The following ARHGEF17 variants were observed in gnomAD, a reference collection of about 807,000 sequenced individuals.
ARHGEF17 encodes the protein 164 kDa Rho-specific guanine-nucleotide exchange factor.
A neutral mutation model predicts 174.0 loss-of-function variants in ARHGEF17; 80 were observed. That is an observed-to-expected ratio of 0.46 (90% CI 0.38 to 0.55). The LOEUF (loss-of-function observed/expected upper bound fraction) is 0.55. ARHGEF17 is among the 20% of genes least tolerant of loss of function. The pLI, the probability that ARHGEF17 is intolerant of heterozygous loss-of-function variation, is 0.00. For missense variants in ARHGEF17, 2,886 were observed against 2,839.7 expected, an observed-to-expected ratio of 1.02 and a Z score of -0.37; for synonymous variants, 1,311 against 1,189.1, an observed-to-expected ratio of 1.10 and a Z score of -2.11.
intron 15 of ARHGEF17, 144 bp downstream of exon 15, chr11:73,363,599 G>C: frequency 6.7e-7 from 1 of 1,494,286 alleles, no homozygotes; most frequent in Non-Finnish European, 9.1e-7. Context: ...CAGTGGGTCT[G>C]ACAATCCCAG....
intron 1 of ARHGEF17, among the ~76,000 whole-genome samples, chr11:73,345,158 C>T (rs1865439252): frequency 6.6e-6 from 1 of 152,170 alleles, no homozygotes; most frequent in Admixed American, 6.5e-5. Flanking sequence ...CTCGCACTGC[C>T]TCCTTCTGGA....
At position 73,369,166 on chromosome 11, in the gene ARHGEF17, A is replaced by C. The variant is rs776528774; in HGVS notation, c.*1386A>C. On this transcript the variant is annotated 3_prime_UTR_variant, in exon 21 of 21. Coordinates refer to ENST00000263674, the MANE Select transcript of ARHGEF17 (RefSeq NM_014786.4). ...TGGCCACATGGGCCTTCCGACGTCC[A>C]CACACTTGGGAAGAAGGGAGGCCTT... 4 of 152,262 alleles carry C rather than the reference A, an allele frequency of 2.6e-5. No homozygotes were observed. Among genetic ancestry groups the C allele is most frequent in the Admixed American group, 2.0e-4 (3 of 15,278 alleles). 9.4% of individuals were successfully genotyped at this position (152,262 alleles called of 1,614,324 possible).
At chr11:73,333,434 A>T (rs928983951) in intron 1 of ARHGEF17, among the ~76,000 whole-genome samples, 7 of 152,250 alleles carry the variant, frequency 4.6e-5, no homozygotes, top group Non-Finnish European at 8.8e-5. Flanking sequence ...CCATTGGTGG[A>T]TAAATTCAGT....
chr11:73,333,161 CAAT>C (rs971510871), intron 1 of ARHGEF17, among the ~76,000 whole-genome samples: 88 of 152,292 alleles, frequency 5.8e-4, no homozygotes, highest in Middle Eastern at 3.4e-3. Flanking sequence ...CACTTATTGC[CAAT>C]AATAATGACA....
chr11:73,364,076 G>A (rs929820203), intron 16 of ARHGEF17, 96 bp from the exon 17 acceptor site: 26 of 1,331,816 alleles, frequency 2.0e-5, no homozygotes, highest in African/African-American at 1.5e-4. Flanking sequence ...GTGGCCTCTC[G>A]GGAGCCATAC....
chr11:73,322,347 T>C (rs930380567), intron 1 of ARHGEF17, among the ~76,000 whole-genome samples: 1 of 152,180 alleles, frequency 6.6e-6, no homozygotes, highest in African/African-American at 2.4e-5. Context: ...ATGCCAGAAC[T>C]GTCTACCTGG....
Position 73,363,555 on chromosome 11 carries a change from G to T in ARHGEF17, c.5246+100G>T. On this transcript the variant is annotated intron_variant, in intron 15 of 20. Coordinates refer to ENST00000263674, the MANE Select transcript of ARHGEF17 (RefSeq NM_014786.4). ...TGGAGCCAAGGCAGGAGGGCTTTGG[G>T]TCACACCTCAGGGGTACTGCTGACC... 13 of 1,528,954 alleles carry T rather than the reference G, an allele frequency of 8.5e-6. No homozygotes were observed. In the South Asian group the frequency reaches 1.5e-4, roughly 18 times the overall value. 94.7% of individuals were successfully genotyped at this position (1,528,954 alleles called of 1,614,324 possible).
chr11:73,356,647 T>A (rs542266355), intron 6 of ARHGEF17, 62 bp from the exon 7 acceptor site: 8 of 1,599,932 alleles, frequency 5.0e-6, no homozygotes, highest in Non-Finnish European at 6.8e-6. Flanking sequence ...TCACTGGGAT[T>A]TTTGGAGGGG....
chr11:73,327,555 C>G (rs1865122016), intron 1 of ARHGEF17, among the ~76,000 whole-genome samples: 2 of 152,208 alleles, frequency 1.3e-5, no homozygotes, highest in Non-Finnish European at 2.9e-5. Context: ...GCCTAAGCTC[C>G]CACTTCTTTG....
At position 73,309,189 on chromosome 11, in the gene ARHGEF17, C is replaced by T. The variant is rs1416891186; in HGVS notation, c.551C>T (p.Ser184Leu). Residue 184 changes from serine (S) to leucine (L), a missense_variant, in exon 1 of 21, where the codon TCG (serine) becomes TTG (leucine). Ser to Leu is a moderately radical substitution (Grantham distance 145). This residue lies in a region of ARHGEF17 where 1,728 missense variants were observed against 1,461.2 expected (regional missense o/e 1.18). Coordinates refer to ENST00000263674, the MANE Select transcript of ARHGEF17 (RefSeq NM_014786.4). Reference sequence around the variant, plus strand: ...TGCTTCCCCCTGGCGGGTCTGCGTTCGGCGCGGCCCCTGACCGGGCCGGAG... The same window carrying T: ...TGCTTCCCCCTGGCGGGTCTGCGTTTGGCGCGGCCCCTGACCGGGCCGGAG... Reference protein sequence around the residue: ...RTCFPLAGLRSARPLTGPETE... With the variant: ...RTCFPLAGLRLARPLTGPETE... The T allele has an allele frequency of 4.4e-6, 7 of 1,588,044 alleles. No homozygotes were observed. In the East Asian group the frequency reaches 9.3e-5, roughly 21 times the overall value.
intron 3 of ARHGEF17, among the ~76,000 whole-genome samples, chr11:73,355,245 T>G (rs538913697): frequency 1.3e-5 from 2 of 152,292 alleles, no homozygotes; most frequent in South Asian, 2.1e-4. Context: ...CAGTTGGAAG[T>G]GAGAGAACCA....
chr11:73,367,058 A>G (rs1162015518), intron 20 of ARHGEF17, among the ~76,000 whole-genome samples: 1 of 152,156 alleles, frequency 6.6e-6, no homozygotes, highest in African/African-American at 2.4e-5. Context: ...AAAAAGTGAA[A>G]CAGCAGGAAA....
intron 1 of ARHGEF17, among the ~76,000 whole-genome samples, chr11:73,312,525 T>C (rs572746384): frequency 6.6e-6 from 1 of 151,888 alleles, no homozygotes; most frequent in African/African-American, 2.4e-5. Flanking sequence ...CTGTGCAGAT[T>C]TGGGGGAGCC....
chr11:73,321,060 T>C (rs1865009715), intron 1 of ARHGEF17, among the ~76,000 whole-genome samples: 1 of 152,126 alleles, frequency 6.6e-6, no homozygotes, highest in African/African-American at 2.4e-5. Flanking sequence ...ATGCTAAGGT[T>C]TTATGATTCT....
intron 1 of ARHGEF17, among the ~76,000 whole-genome samples, chr11:73,341,168 G>A (rs879337033): frequency 6.6e-6 from 1 of 152,194 alleles, no homozygotes; most frequent in Non-Finnish European, 1.5e-5. Context: ...GTATATTTAC[G>A]AACTGCCATA....
chr11:73,336,063 A>G (rs1052247866), intron 1 of ARHGEF17, among the ~76,000 whole-genome samples: 4 of 152,038 alleles, frequency 2.6e-5, no homozygotes, highest in African/African-American at 4.8e-5. Context: ...ACAGCCTCCT[A>G]CCTTCTCATT....
chr11:73,354,605 T>C (rs1458217587), intron 3 of ARHGEF17, among the ~76,000 whole-genome samples: 1 of 151,792 alleles, frequency 6.6e-6, no homozygotes, highest in East Asian at 1.9e-4. Context: ...TCCCAGCTAC[T>C]CCGGAGGCTG....
Position 73,365,932 on chromosome 11 carries a change from C to T in ARHGEF17, c.5980C>T (p.Pro1994Ser), listed in dbSNP as rs373382494. The T allele has an allele frequency of 6.2e-7, 1 of 1,603,098 alleles. No homozygotes were observed. The highest frequency in any genetic ancestry group is 8.5e-7 in the Non-Finnish European group (1 of 1,179,138). ...GFNLLCPTPP[P>S]PPDTGPEKLP... The stretch of plus-strand genomic sequence containing the variant: ...CAACCTGCTCTGCCCAACCCCACCA[C>T]CTCCCCCAGACACAGGTGGGTCAGT... The change falls in exon 20 of 21, where the codon CCT becomes TCT. Residue 1994 changes from proline (P) to serine (S), a missense_variant. By Grantham distance (74) the Pro-to-Ser change is moderately conservative. Around this residue, in one of 4 missense-constraint regions of ARHGEF17, gnomAD observed 329 missense variants for 435.2 expected, o/e 0.76. Coordinates refer to ENST00000263674, the MANE Select transcript of ARHGEF17 (RefSeq NM_014786.4). This position sits in a 1 kb window ranked among gnomAD's most constrained non-coding sequence, Gnocchi z 4.9.
rs1225840589 is a variant in ARHGEF17 at position 73,308,838 on chromosome 11, C to T, written c.200C>T (p.Ala67Val). ...RVSKLASGPLAAPAQPRPLRS... is the reference protein window; with the variant it reads ...RVSKLASGPLVAPAQPRPLRS... ...TCCAAGCTGGCGTCTGGGCCCCTGG[C>T]CGCCCCCGCGCAGCCGCGCCCGCTC... The change falls in exon 1 of 21, where the codon GCC (alanine) becomes GTC (valine). Residue 67 changes from alanine (A) to valine (V), a missense_variant. Physicochemically the swap from Ala to Val is moderately conservative, Grantham distance 64 (BLOSUM62 0). Coordinates refer to ENST00000263674, the MANE Select transcript of ARHGEF17 (RefSeq NM_014786.4). 1 of 1,339,938 alleles carries T rather than the reference C, an allele frequency of 7.5e-7. No homozygotes were observed. The highest frequency in any genetic ancestry group is 1.9e-5 in the South Asian group (1 of 51,860). 83.0% of individuals were successfully genotyped at this position (1,339,938 alleles called of 1,614,324 possible).
Sources: allele counts gnomAD v4.1 joint callset (sites outside exome capture counted in the v4.1 genomes callset), GRCh38; gene constraint gnomAD v4.1.1; regional missense constraint gnomAD v4.1.1; non-coding constraint Gnocchi (gnomAD v3.1); transcripts MANE v1.5; gene names NCBI Gene and HGNC (gene_info 2026-07-23, HGNC 2026-07-21).